The following CFAP44 variants were observed in gnomAD, a reference collection of about 807,000 sequenced individuals.
CFAP44 encodes the protein cilia- and flagella-associated protein 44.
A neutral mutation model predicts 216.2 loss-of-function variants in CFAP44; 134 were observed. The observed-to-expected ratio is 0.62, with a 90% CI of 0.54 to 0.72. The LOEUF is 0.72. CFAP44 is among the 30% of genes least tolerant of loss of function. The pLI is 0.00. For synonymous variants in CFAP44, 700 were observed against 727.6 expected (o/e 0.96, Z 0.61); for missense variants, 2,035 against 2,182.1 (o/e 0.93, Z 1.34).
chr3:113,418,267 A>C (rs188619845), intron 5 of CFAP44, among the ~76,000 whole-genome samples: 15 of 152,004 alleles, frequency 9.9e-5, no homozygotes, highest in Non-Finnish European at 2.1e-4. Context: ...TTGTATTTTT[A>C]GTAGATACGG....
At chr3:113,432,199 G>C (rs1431635089) in intron 2 of CFAP44, 1 of 152,118 alleles carries the variant, frequency 6.6e-6, no homozygotes, top group Non-Finnish European at 1.5e-5. Context: ...CGTGTGGATA[G>C]GTTATTATCA....
intron 24 of CFAP44, among the ~76,000 whole-genome samples, chr3:113,337,235 G>A (rs1343650896): frequency 3.3e-5 from 5 of 151,728 alleles, no homozygotes; most frequent in East Asian, 1.9e-4. Context: ...AAATGCATAT[G>A]TGCAAATCTA....
chr3:113,397,207 G>C (rs1176558031), intron 13 of CFAP44: 2 of 160,854 alleles, frequency 1.2e-5, no homozygotes, highest in East Asian at 3.5e-4. Flanking sequence ...GATAACAAAA[G>C]GATGTTCAGG....
At chr3:113,426,061 T>G in intron 4 of CFAP44, 63 bp downstream of exon 4, 1 of 1,571,556 alleles carries the variant, frequency 6.4e-7, no homozygotes, top group Non-Finnish European at 8.6e-7. Flanking sequence ...GGCTATAGTT[T>G]GCTGACCTCT....
At chr3:113,294,211 T>C (rs1260263877) in intron 34 of CFAP44, 1 of 332,450 alleles carries the variant, frequency 3.0e-6, no homozygotes, top group African/African-American at 2.2e-5. Flanking sequence ...ACATACAATG[T>C]ATTAAGTACA....
chr3:113,315,022 A>G (rs1950073921), intron 28 of CFAP44, among the ~76,000 whole-genome samples: 1 of 152,120 alleles, frequency 6.6e-6, no homozygotes, highest in Non-Finnish European at 1.5e-5. Flanking sequence ...AAAATTTTAT[A>G]AAAGAAAACA....
chr3:113,363,574 T>C (rs765927313), intron 19 of CFAP44, 42 bp from the exon 20 acceptor site: 3 of 1,509,724 alleles, frequency 2.0e-6, no homozygotes, highest in East Asian at 2.3e-5. Context: ...TAAAATTGCA[T>C]AGCATTTTCC....
intron 30 of CFAP44, among the ~76,000 whole-genome samples, chr3:113,305,750 T>G (rs78575277): frequency 0.023 from 3,569 of 152,308 alleles, 130 homozygotes; most frequent in African/African-American, 0.072. Context: ...GTCTCCAACA[T>G]GGGATGCATG....
Position 113,333,498 on chromosome 3 carries a change from T to C in CFAP44, c.3523A>G (p.Asn1175Asp). 1 of 1,537,152 alleles carries C rather than the reference T, an allele frequency of 6.5e-7. No homozygotes were observed. Reference sequence around the variant, plus strand: ...TTGTAGTCTGGGGCTGTCTTCAGATTGAAATCTCCCATATACACCTGGGCT... The same window carrying C: ...TTGTAGTCTGGGGCTGTCTTCAGATCGAAATCTCCCATATACACCTGGGCT... ...KEAQVYMGDF[N>D]LKTAPDYKIP... The change falls in exon 25 of 35, where the codon AAT (asparagine) becomes GAT (aspartate). Residue 1175 changes from asparagine (N) to aspartate (D), a missense_variant. By Grantham distance (23) the Asn-to-Asp change is conservative. Transcript: ENST00000393845.
At chr3:113,353,453 T>C (rs1343151189) in intron 22 of CFAP44, among the ~76,000 whole-genome samples, 1 of 141,722 alleles carries the variant, frequency 7.1e-6, no homozygotes, top group East Asian at 2.1e-4. Flanking sequence ...TATGTATGAA[T>C]ACACACACAC....
At chr3:113,436,367 A>G (rs963013522) in intron 1 of CFAP44, among the ~76,000 whole-genome samples, 2 of 152,198 alleles carry the variant, frequency 1.3e-5, no homozygotes, top group African/African-American at 4.8e-5. Context: ...CCTTGCCTTC[A>G]TAATTTAGGT....
chr3:113,296,730 A>T lies in CFAP44; in HGVS notation c.5233T>A (p.Trp1745Arg), dbSNP rs1949885637. ...ELANAKEMKMWEEKIAQMRWE... is the reference protein window; with the variant it reads ...ELANAKEMKMREEKIAQMRWE... The stretch of plus-strand genomic sequence containing the variant: ...AACCCCCTTCTCTTCCTTACCTCCC[A>T]CATCTTCATCTCTTTCGCATTTGCT... Residue 1745 changes from tryptophan to arginine, a missense_variant, in exon 33 of 35, where the codon TGG (tryptophan) becomes AGG (arginine). Physicochemically the swap from Trp to Arg is moderately radical, Grantham distance 101 (BLOSUM62 -3). This residue lies in a region of CFAP44 where 1,883 missense variants were observed against 2,023.7 expected (regional missense o/e 0.93). Coordinates refer to ENST00000393845, the MANE Select transcript of CFAP44 (RefSeq NM_001164496.2). 1 of 1,536,938 alleles carries T rather than the reference A, an allele frequency of 6.5e-7. No homozygotes were observed. The highest frequency in any genetic ancestry group is 1.4e-5 in the African/African-American group (1 of 72,952).
At chr3:113,293,665 C>T (rs1012488354) in intron 34 of CFAP44, among the ~76,000 whole-genome samples, 3 of 152,236 alleles carry the variant, frequency 2.0e-5, no homozygotes, top group Admixed American at 6.5e-5. Context: ...CAAACACTGC[C>T]TTGATCCTTC....
At chr3:113,376,003 T>C (rs145348656) in intron 17 of CFAP44, among the ~76,000 whole-genome samples, 3 of 151,964 alleles carry the variant, frequency 2.0e-5, no homozygotes, top group Non-Finnish European at 4.4e-5. Context: ...AAATAATTAG[T>C]AAGATAGTAG....
chr3:113,411,597 TC>T (rs1476039183), intron 6 of CFAP44, among the ~76,000 whole-genome samples: 1 of 152,220 alleles, frequency 6.6e-6, no homozygotes, highest in Non-Finnish European at 1.5e-5. Context: ...CCAGCTTTGT[TC>T]TTTTGGCTTA....
chr3:113,398,467 G>A (rs978448921), intron 13 of CFAP44, among the ~76,000 whole-genome samples: 6 of 152,096 alleles, frequency 3.9e-5, no homozygotes, highest in Non-Finnish European at 7.4e-5. Context: ...ATCATTACTC[G>A]AATATAAGCC....
intron 5 of CFAP44, chr3:113,417,338 T>C (rs528364506): frequency 4.6e-5 from 7 of 152,284 alleles, no homozygotes; most frequent in Admixed American, 2.0e-4. Context: ...ACAGTAAGTA[T>C]GCCCTGGATA....
At chr3:113,361,568 C>T (rs1294902532) in intron 21 of CFAP44, among the ~76,000 whole-genome samples, 1 of 149,530 alleles carries the variant, frequency 6.7e-6, no homozygotes, top group Non-Finnish European at 1.5e-5. Flanking sequence ...GATCTCGGCT[C>T]ACTGCACACT....
In CFAP44 at chr3:113,327,624, A is replaced by G; in HGVS notation, c.4312T>C (p.Tyr1438His). ...CTTCTGCCCACTCATACTTGCATGT[A>G]CTGTTCCTCTTTGTCTAAGGAATTA... ...RVNSLDKEEQ[Y>H]MQWKINETLK... The change falls in exon 27 of 35, where the codon TAC becomes CAC. Residue 1438 changes from tyrosine (Y) to histidine (H), a missense_variant. This residue lies in a region of CFAP44 where 1,883 missense variants were observed against 2,023.7 expected (regional missense o/e 0.93). Transcript: ENST00000393845. 3.3e-6 allele frequency: 5 copies of G among 1,536,782 alleles called. No individual in the cohort carries two copies. Among genetic ancestry groups the G allele is most frequent in the African/African-American group, 1.4e-5 (1 of 73,162 alleles).
Sources: allele counts gnomAD v4.1 joint callset (sites outside exome capture counted in the v4.1 genomes callset), GRCh38; gene constraint gnomAD v4.1.1; regional missense constraint gnomAD v4.1.1; transcripts MANE v1.5; gene names NCBI Gene and HGNC (gene_info 2026-07-23, HGNC 2026-07-21).